The following NALF1 variants were observed in gnomAD, a reference collection of about 807,000 sequenced individuals.
NALF1 encodes family with sequence similarity 155 member A.
NALF1 carries 3 observed loss-of-function variants against 48.4 expected under a neutral mutation model. The ratio of observed to expected loss-of-function variants is 0.06; its 90% CI spans 0.03 to 0.16. NALF1 has a LOEUF of 0.16. NALF1 is among the 10% of genes least tolerant of loss of function. The pLI, the probability that NALF1 is intolerant of heterozygous loss-of-function variation, is 1.00. For synonymous variants in NALF1, 262 were observed against 245.7 expected (o/e 1.07, Z -0.62); for missense variants, 526 against 571.5 (o/e 0.92, Z 0.81).
intron 1 of NALF1, among the ~76,000 whole-genome samples, chr13:107,249,673 T>G (rs546401580): frequency 1.3e-5 from 2 of 152,258 alleles, no homozygotes; most frequent in African/African-American, 4.8e-5. Flanking sequence ...ATAATTGAAC[T>G]TTTATTTTGT....
intron 1 of NALF1, among the ~76,000 whole-genome samples, chr13:107,475,900 CT>C (rs1481848142): frequency 6.6e-6 from 1 of 152,194 alleles, no homozygotes; most frequent in East Asian, 1.9e-4. Flanking sequence ...CAATTTCCCT[CT>C]TTTTTTCCCC....
chr13:107,200,538 G>A (rs1290174126), intron 2 of NALF1, among the ~76,000 whole-genome samples: 1 of 152,116 alleles, frequency 6.6e-6, no homozygotes, highest in African/African-American at 2.4e-5. Context: ...TCTACTTCTT[G>A]GTAGACATTT....
chr13:107,780,890 A>G (rs1327684704), intron 1 of NALF1, among the ~76,000 whole-genome samples: 1 of 152,174 alleles, frequency 6.6e-6, no homozygotes, highest in East Asian at 1.9e-4. Flanking sequence ...TACTGATAAA[A>G]ATCTGAGCTC....
At chr13:107,285,172 T>C (rs1039056193) in intron 1 of NALF1, among the ~76,000 whole-genome samples, 4 of 152,192 alleles carry the variant, frequency 2.6e-5, no homozygotes, top group African/African-American at 9.6e-5. Context: ...GTAGGTAAAA[T>C]ATAAGAGAAA....
chr13:107,421,963 G>A (rs565566593), intron 1 of NALF1, among the ~76,000 whole-genome samples: 1 of 152,236 alleles, frequency 6.6e-6, no homozygotes. Context: ...GTTTTCTGAA[G>A]GTGACAGTGA....
intron 1 of NALF1, among the ~76,000 whole-genome samples, chr13:107,379,728 A>G (rs1413465780): frequency 6.6e-6 from 1 of 152,188 alleles, no homozygotes; most frequent in Non-Finnish European, 1.5e-5. Context: ...TTGTTTGATG[A>G]ACTCTACTCC....
intron 1 of NALF1, among the ~76,000 whole-genome samples, chr13:107,757,765 T>C (rs568989648): frequency 1.3e-5 from 2 of 152,132 alleles, no homozygotes; most frequent in Non-Finnish European, 2.9e-5. Context: ...GGCTAATGAG[T>C]AAAATAAAGC....
chr13:107,564,944 C>G (rs984547879), intron 1 of NALF1, among the ~76,000 whole-genome samples: 1 of 151,636 alleles, frequency 6.6e-6, no homozygotes, highest in African/African-American at 2.4e-5. Flanking sequence ...ACTACTGGGA[C>G]CACGTGCGGC....
chr13:107,774,091 C>G (rs1185557430), intron 1 of NALF1, among the ~76,000 whole-genome samples: 1 of 152,056 alleles, frequency 6.6e-6, no homozygotes, highest in African/African-American at 2.4e-5. Flanking sequence ...AGAAATTGTA[C>G]TTTTTTATGA....
At chr13:107,346,319 T>C (rs1055347175) in intron 1 of NALF1, among the ~76,000 whole-genome samples, 3 of 152,210 alleles carry the variant, frequency 2.0e-5, no homozygotes, top group African/African-American at 7.2e-5. Flanking sequence ...AAGAGATATG[T>C]GCATACCCAT....
chr13:107,224,735 G>A (rs1880066882), intron 1 of NALF1, among the ~76,000 whole-genome samples: 1 of 151,992 alleles, frequency 6.6e-6, no homozygotes, highest in Non-Finnish European at 1.5e-5. Flanking sequence ...AAAGATTTAT[G>A]GCTTAGTACT....
intron 1 of NALF1, among the ~76,000 whole-genome samples, chr13:107,764,276 C>T (rs368808688): frequency 3.3e-5 from 5 of 152,116 alleles, no homozygotes; most frequent in African/African-American, 1.2e-4. Flanking sequence ...TACTGTAACA[C>T]ATTTAGGCCA....
At chr13:107,199,290 G>C (rs1351043562) in intron 2 of NALF1, among the ~76,000 whole-genome samples, 2 of 152,238 alleles carry the variant, frequency 1.3e-5, no homozygotes, top group South Asian at 2.1e-4. Context: ...AAGGAGAGAG[G>C]CCTCAGAAGA....
chr13:107,386,884 A>G (rs111922430), intron 1 of NALF1, among the ~76,000 whole-genome samples: 320 of 147,032 alleles, frequency 2.2e-3, no homozygotes, highest in African/African-American at 7.0e-3. Flanking sequence ...TTGTCTTTTA[A>G]GTAAAAGTGA....
chr13:107,616,575 G>C (rs921249438), intron 1 of NALF1, among the ~76,000 whole-genome samples: 1 of 152,144 alleles, frequency 6.6e-6, no homozygotes, highest in Non-Finnish European at 1.5e-5. Context: ...AAACACACAG[G>C]CTACAAGATT....
chr13:107,340,176 CTTTT>C (rs5806647), intron 1 of NALF1, among the ~76,000 whole-genome samples: 4 of 141,664 alleles, frequency 2.8e-5, no homozygotes, highest in Admixed American at 7.0e-5. Flanking sequence ...ACTTACATTC[CTTTT>C]TTTTTTTTTT....
chr13:107,787,194 C>G (rs931289133), intron 1 of NALF1, among the ~76,000 whole-genome samples: 1 of 152,076 alleles, frequency 6.6e-6, no homozygotes, highest in African/African-American at 2.4e-5. Context: ...ATACTTTTAA[C>G]CAGTTCTTTG....
At chr13:107,514,831 T>C (rs1420460409) in intron 1 of NALF1, among the ~76,000 whole-genome samples, 1 of 152,174 alleles carries the variant, frequency 6.6e-6, no homozygotes, top group Non-Finnish European at 1.5e-5. Flanking sequence ...AATCATTGCA[T>C]AGATGACAGG....
chr13:107,736,348 T>C (rs184866217), intron 1 of NALF1, among the ~76,000 whole-genome samples: 3 of 152,236 alleles, frequency 2.0e-5, no homozygotes, highest in Admixed American at 2.0e-4. Flanking sequence ...TGCTTTCTTG[T>C]TGGAGTTTGC....
Sources: allele counts gnomAD v4.1 joint callset (sites outside exome capture counted in the v4.1 genomes callset), GRCh38; gene constraint gnomAD v4.1.1; transcripts MANE v1.5; gene names NCBI Gene and HGNC (gene_info 2026-07-23, HGNC 2026-07-21).